REEP5: variants seen among roughly 807,000 people sequenced by gnomAD.
REEP5 encodes the protein receptor accessory protein 5.
REEP5 carries 24 observed loss-of-function variants against 22.4 expected under a neutral mutation model. The observed-to-expected ratio is 1.07, with a 90% CI of 0.78 to 1.51. The LOEUF (loss-of-function observed/expected upper bound fraction) is 1.51. REEP5 is among the 40% of genes most tolerant of loss of function. The pLI is 0.00. For missense variants in REEP5, 252 were observed against 233.0 expected (o/e 1.08, Z -0.53); for synonymous variants, 103 against 88.6 (o/e 1.16, Z -0.92).
intron 2 of REEP5, among the ~76,000 whole-genome samples, chr5:112,904,315 T>A (rs977321870): frequency 6.6e-6 from 1 of 152,230 alleles, no homozygotes; most frequent in Non-Finnish European, 1.5e-5. Context: ...ATATCCTTTA[T>A]GTGTAAGATT....
At chr5:112,910,253 G>A (rs1244461723) in intron 2 of REEP5, among the ~76,000 whole-genome samples, 2 of 152,250 alleles carry the variant, frequency 1.3e-5, no homozygotes, top group Middle Eastern at 3.4e-3. Flanking sequence ...AGTGAGCTGA[G>A]ATCGTGCCAC....
At chr5:112,894,583 T>C (rs1251162186) in intron 3 of REEP5, 1 of 152,228 alleles carries the variant, frequency 6.6e-6, no homozygotes, top group East Asian at 1.9e-4. Context: ...TTTTGAAGAA[T>C]ATGCAGAGCA....
intron 2 of REEP5, among the ~76,000 whole-genome samples, chr5:112,908,951 C>T (rs1424904352): frequency 6.6e-6 from 1 of 151,078 alleles, no homozygotes; most frequent in African/African-American, 2.4e-5. Context: ...TCAACACACA[C>T]ACCCACAAAG....
At position 112,913,741 on chromosome 5, in the gene REEP5, A is replaced by T. The variant is rs542006163; in HGVS notation, c.212+7422T>A. On this transcript the variant is annotated intron_variant, in intron 2 of 4. Transcript: ENST00000379638. ...TCAAATATAACAATGCGGAATGTGG[A>T]CAGACATCCCTACACTTAAGACTGA... 1.2e-4 allele frequency among the ~76,000 whole-genome samples: 19 copies of T among 152,250 alleles called. No individual in the cohort carries two copies. The South Asian group carries it at 3.9e-3, about 32-fold the overall frequency.
intron 2 of REEP5, among the ~76,000 whole-genome samples, chr5:112,913,132 C>T (rs1769143080): frequency 6.6e-6 from 1 of 152,056 alleles, no homozygotes; most frequent in Admixed American, 6.6e-5. Context: ...GGTGAAACCC[C>T]ATCTCTATTA....
chr5:112,901,530 G>A (rs973979283), intron 3 of REEP5, among the ~76,000 whole-genome samples: 8 of 152,096 alleles, frequency 5.3e-5, no homozygotes, highest in African/African-American at 9.6e-5. Flanking sequence ...CCAACATGGT[G>A]AAACTCTTTC....
intron 3 of REEP5, chr5:112,895,166 G>A (rs1279618029): frequency 6.9e-6 from 1 of 145,342 alleles, no homozygotes; most frequent in East Asian, 2.1e-4. Context: ...TGGAACCCAG[G>A]AGGCGGAGGT....
At chr5:112,920,228 T>G (rs546884554) in intron 2 of REEP5, among the ~76,000 whole-genome samples, 1 of 152,238 alleles carries the variant, frequency 6.6e-6, no homozygotes, top group African/African-American at 2.4e-5. Context: ...TCTTCCCTTA[T>G]AGTCATAGAC....
chr5:112,910,040 C>T (rs1163304086), intron 2 of REEP5, among the ~76,000 whole-genome samples: 5 of 152,206 alleles, frequency 3.3e-5, no homozygotes, highest in Non-Finnish European at 5.9e-5. Context: ...CAATGGCTCA[C>T]GCCTGTAATC....
intron 3 of REEP5, chr5:112,893,094 TA>T (rs552226372): frequency 0.046 from 22,755 of 494,686 alleles, 6 homozygotes; most frequent in East Asian, 0.087. Flanking sequence ...GTTTTGTTCT[TA>T]AAAAAAAAAA....
intron 3 of REEP5, 36 bp downstream of exon 3, chr5:112,902,344 T>A: frequency 6.3e-7 from 1 of 1,582,112 alleles, no homozygotes; most frequent in African/African-American, 1.4e-5. Flanking sequence ...ATACAGGTAC[T>A]GAGATGGAGT....
chr5:112,911,486 C>A (rs1769101681), intron 2 of REEP5, among the ~76,000 whole-genome samples: 1 of 152,168 alleles, frequency 6.6e-6, no homozygotes, highest in Admixed American at 6.5e-5. Flanking sequence ...TGGAGGGAGA[C>A]AGGAAAGGGA....
intron 4 of REEP5, among the ~76,000 whole-genome samples, chr5:112,880,609 G>C (rs1768042564): frequency 6.6e-6 from 1 of 152,202 alleles, no homozygotes; most frequent in African/African-American, 2.4e-5. Context: ...CAAAAGCTTT[G>C]AGAAAAGTCT....
Position 112,878,527 on chromosome 5 carries a change from A to T in REEP5, c.*259T>A. The T allele has an allele frequency of 2.1e-6, 1 of 484,752 alleles. No homozygotes were observed. Among genetic ancestry groups the T allele is most frequent in the Non-Finnish European group, 3.6e-6 (1 of 276,776 alleles). 30.0% of individuals were successfully genotyped at this position (484,752 alleles called of 1,614,324 possible). On this transcript the variant is annotated 3_prime_UTR_variant, in exon 5 of 5. Coordinates refer to ENST00000379638, the MANE Select transcript of REEP5 (RefSeq NM_005669.5). ...AGTTTATATTTCCTGCAGGATAGCA[A>T]CATACATCTTTTCCTACCCAGAGGC... is the stretch of plus-strand genomic sequence containing the variant.
chr5:112,911,193 G>A (rs1289357905), intron 2 of REEP5, among the ~76,000 whole-genome samples: 6 of 152,200 alleles, frequency 3.9e-5, no homozygotes, highest in African/African-American at 9.7e-5. Flanking sequence ...GCGTGGGCGA[G>A]GAAGATTATA....
intron 2 of REEP5, among the ~76,000 whole-genome samples, chr5:112,903,922 C>G (rs1224773063): frequency 1.3e-5 from 2 of 152,208 alleles, no homozygotes; most frequent in Non-Finnish European, 2.9e-5. Flanking sequence ...CCTCAAACTT[C>G]TGGGCTTATG....
intron 4 of REEP5, among the ~76,000 whole-genome samples, chr5:112,886,756 G>A (rs1483738230): frequency 2.0e-5 from 3 of 152,122 alleles, no homozygotes; most frequent in South Asian, 2.1e-4. Context: ...CTCTAAAATC[G>A]CTGCCTACCA....
chr5:112,901,723 A>T (rs953232141), intron 3 of REEP5, among the ~76,000 whole-genome samples: 1 of 151,804 alleles, frequency 6.6e-6, no homozygotes, highest in Non-Finnish European at 1.5e-5. Flanking sequence ...GAAAAAAAAA[A>T]AAGGAGGTCA....
intron 4 of REEP5, among the ~76,000 whole-genome samples, chr5:112,880,580 T>C (rs2150033391): frequency 6.6e-6 from 1 of 152,362 alleles, no homozygotes; most frequent in East Asian, 1.9e-4. Context: ...TAACCCTTTG[T>C]AGAAATTCCT....
Sources: gnomAD v4.1 joint callset for allele counts (sites outside exome capture counted in the v4.1 genomes callset) on GRCh38, gnomAD v4.1.1 for gene constraint, MANE v1.5 for transcripts, NCBI Gene and HGNC (gene_info 2026-07-23, HGNC 2026-07-21) for gene names.